The following SNTG1 variants were observed in gnomAD, a reference collection of about 807,000 sequenced individuals.
SNTG1 encodes the protein syntrophin gamma 1.
Under a neutral mutation model 74.7 loss-of-function variants are expected in SNTG1, and 39 were observed. The ratio of observed to expected loss-of-function variants is 0.52; its 90% CI spans 0.40 to 0.68. The LOEUF is 0.68. Among genes scored for constraint, SNTG1 ranks in the 30% least tolerant of loss-of-function variants. SNTG1 has a pLI of 0.00. For missense variants in SNTG1, 685 were observed against 609.5 expected (o/e 1.12, Z -1.30); for synonymous variants, 254 against 217.1 (o/e 1.17, Z -1.49).
At chr8:50,209,872 T>C (rs75348414) in intron 2 of SNTG1, among the ~76,000 whole-genome samples, 1 of 152,026 alleles carries the variant, frequency 6.6e-6, no homozygotes, top group Non-Finnish European at 1.5e-5. Context: ...GGATGGAGAA[T>C]GACTTTGTTG....
chr8:50,034,116 T>C (rs2130774655), intron 1 of SNTG1, among the ~76,000 whole-genome samples: 1 of 152,238 alleles, frequency 6.6e-6, no homozygotes, highest in African/African-American at 2.4e-5. Flanking sequence ...AACATAAAAG[T>C]CTGGAACAAT....
chr8:50,494,089 T>C (rs2093882500), intron 8 of SNTG1, among the ~76,000 whole-genome samples: 1 of 151,026 alleles, frequency 6.6e-6, no homozygotes, highest in Non-Finnish European at 1.5e-5. Context: ...GAATCTTTAA[T>C]TGAAGGGAGA....
intron 2 of SNTG1, among the ~76,000 whole-genome samples, chr8:50,293,411 T>C (rs548922586): frequency 1.3e-5 from 2 of 151,408 alleles, no homozygotes; most frequent in African/African-American, 2.4e-5. Context: ...TTCTTTTTTT[T>C]TTTTTCTTTT....
chr8:50,205,662 T>C (rs1406880366), intron 2 of SNTG1, among the ~76,000 whole-genome samples: 2 of 152,228 alleles, frequency 1.3e-5, no homozygotes, highest in African/African-American at 4.8e-5. Flanking sequence ...TCCTGAATGG[T>C]ATTCCCTAGG....
chr8:50,556,509 T>G (rs2094456352), intron 12 of SNTG1, among the ~76,000 whole-genome samples: 1 of 152,220 alleles, frequency 6.6e-6, no homozygotes, highest in Non-Finnish European at 1.5e-5. Flanking sequence ...AATTAATAAT[T>G]TACCAATTTT....
chr8:50,418,946 G>A (rs757906204), intron 4 of SNTG1, among the ~76,000 whole-genome samples: 7 of 152,160 alleles, frequency 4.6e-5, no homozygotes, highest in Non-Finnish European at 1.0e-4. Flanking sequence ...CTGGAAAGTA[G>A]GGATAGAACT....
chr8:49,951,613 T>TG (rs906096682), intron 1 of SNTG1, among the ~76,000 whole-genome samples: 3 of 102,644 alleles, frequency 2.9e-5, no homozygotes, highest in Non-Finnish European at 5.9e-5. Context: ...TGTGGTGGGG[T>TG]GGGGGGAGCG....
chr8:50,619,783 G>C (rs1052840859), intron 13 of SNTG1, among the ~76,000 whole-genome samples: 3 of 148,758 alleles, frequency 2.0e-5, no homozygotes, highest in Non-Finnish European at 4.4e-5. Context: ...ATCAGAGTCA[G>C]TTGCCTTTTA....
At chr8:50,791,104 A>C (rs1434354244) in intron 18 of SNTG1, among the ~76,000 whole-genome samples, 1 of 151,910 alleles carries the variant, frequency 6.6e-6, no homozygotes, top group Non-Finnish European at 1.5e-5. Context: ...TTAATTTGGG[A>C]AGATAGAGAA....
chr8:50,532,232 A>G (rs1387675380), intron 10 of SNTG1, among the ~76,000 whole-genome samples: 1 of 152,202 alleles, frequency 6.6e-6, no homozygotes, highest in African/African-American at 2.4e-5. Context: ...ATAATAATAA[A>G]ACCGTATGAA....
intron 2 of SNTG1, among the ~76,000 whole-genome samples, chr8:50,227,663 A>C (rs76749394): frequency 0.017 from 2,566 of 152,146 alleles, 69 homozygotes; most frequent in African/African-American, 0.059. Context: ...AAATATCAGT[A>C]GCTAGAGTTG....
chr8:50,467,996 T>C (rs2093622683), intron 8 of SNTG1, among the ~76,000 whole-genome samples: 1 of 144,344 alleles, frequency 6.9e-6, no homozygotes, highest in Non-Finnish European at 1.5e-5. Context: ...TCTGGGAACG[T>C]ATTTGTATAA....
At position 50,484,120 on chromosome 8, in the gene SNTG1, C is replaced by CT. The variant is rs1197671389; in HGVS notation, c.364-18655dup. Among the ~76,000 whole-genome samples the CT allele has an allele frequency of 3.3e-3, 372 of 112,314 alleles. 3 individuals carry two copies. Among genetic ancestry groups the CT allele is most frequent in the African/African-American group, 0.012 (353 of 30,168 alleles). The allele number at this position is 112,314 out of a possible 152,430, so 73.7% of individuals were successfully genotyped here. A position where few individuals can be genotyped will look rare whatever the true frequency, so the allele number is the denominator to read the frequency against. On this transcript the variant is annotated intron_variant, in intron 8 of 18. Transcript: ENST00000642720. The stretch of plus-strand genomic sequence containing the variant: ...TCTTTCTCTCTTTCTTTCTTTCTTT[C>CT]TTTCTTTCTTTCTTTCCTTCTTTCT...
At chr8:50,001,382 T>G (rs1814723629) in intron 1 of SNTG1, among the ~76,000 whole-genome samples, 1 of 152,108 alleles carries the variant, frequency 6.6e-6, no homozygotes. Flanking sequence ...AGGGGGCTTA[T>G]GGTGAGCCTA....
rs35500338 is a variant in SNTG1, at chr8:50,260,747, T to TAAA, written c.-28+88123_-28+88125dup. ...AATGTAAGTAGAGAAATAGCAATTC[T>TAAA]AAAAAAAAAAAAACAATTAAAAAGA... On this transcript the variant is annotated intron_variant, in intron 2 of 18. Transcript: ENST00000642720. Among the ~76,000 whole-genome samples, 568 of 140,460 alleles carry TAAA rather than the reference T, an allele frequency of 4.0e-3. 3 individuals are homozygous for TAAA. The highest frequency in any genetic ancestry group is 4.9e-3 in the Admixed American group (69 of 14,132). The allele number at this position is 140,460 out of a possible 152,430, so 92.1% of individuals were successfully genotyped here.
chr8:49,963,878 G>A lies in SNTG1; in HGVS notation c.-103+51647G>A, dbSNP rs537257438. ...TTTGTAAATCTTTTCAATTTAGAAA[G>A]ACTTTTTCTTCAGCTTCTCATCAAT... is the stretch of plus-strand genomic sequence containing the variant. On this transcript the variant is annotated intron_variant, in intron 1 of 18. Coordinates refer to ENST00000642720, the MANE Select transcript of SNTG1 (RefSeq NM_018967.5). Among the ~76,000 whole-genome samples the A allele has an allele frequency of 1.9e-4, 29 of 152,252 alleles. No homozygotes were observed. The South Asian group carries it at 6.0e-3, about 32-fold the overall frequency.
intron 8 of SNTG1, among the ~76,000 whole-genome samples, chr8:50,500,696 C>T (rs531003564): frequency 4.6e-5 from 7 of 152,012 alleles, no homozygotes; most frequent in African/African-American, 1.7e-4. Flanking sequence ...GTTTAGCTCA[C>T]GGGTTTGTGG....
chr8:50,344,357 C>T (rs1004521121), intron 2 of SNTG1, among the ~76,000 whole-genome samples: 1 of 152,156 alleles, frequency 6.6e-6, no homozygotes, highest in African/African-American at 2.4e-5. Context: ...TAGAAGATAG[C>T]TTGTTTCTGC....
intron 1 of SNTG1, among the ~76,000 whole-genome samples, chr8:49,930,697 C>T (rs1030633195): frequency 6.6e-6 from 1 of 152,016 alleles, no homozygotes; most frequent in Non-Finnish European, 1.5e-5. Flanking sequence ...GTCTTTTCCA[C>T]CACAGTAAGC....
Sources: allele counts gnomAD v4.1 joint callset (sites outside exome capture counted in the v4.1 genomes callset), GRCh38; gene constraint gnomAD v4.1.1; transcripts MANE v1.5; gene names NCBI Gene and HGNC (gene_info 2026-07-23, HGNC 2026-07-21).